SLC26A3: variants seen among roughly 807,000 people sequenced by gnomAD.
The protein encoded by SLC26A3 is solute carrier family 26 member 3.
A neutral mutation model predicts 85.6 loss-of-function variants in SLC26A3; 64 were observed. The observed-to-expected ratio is 0.75, with a 90% CI of 0.61 to 0.92. SLC26A3 has a LOEUF of 0.92. Ranked by LOEUF, SLC26A3 falls within the 40% of genes least tolerant of loss-of-function variation. The probability of loss-of-function intolerance (pLI) is 0.00; values close to 1 mark genes in which losing one functional copy is unlikely to be tolerated. For missense variants in SLC26A3, 922 were observed against 927.3 expected (o/e 0.99, Z 0.07); for synonymous variants, 349 against 336.0 (o/e 1.04, Z -0.42).
At chr7:107,770,690 T>C (rs1281245001) in intron 18 of SLC26A3, among the ~76,000 whole-genome samples, 1 of 152,182 alleles carries the variant, frequency 6.6e-6, no homozygotes, top group Non-Finnish European at 1.5e-5. Context: ...CACTGCTATA[T>C]TCCCAGCACC....
In SLC26A3 at chr7:107,776,436, T is replaced by A. The variant is rs375116154; in HGVS notation, c.1677+16A>T. 8.1e-5 allele frequency: 129 copies of A among 1,597,310 alleles called. 1 individual carries two copies. The highest frequency in any genetic ancestry group is 1.1e-4 in the Non-Finnish European group (123 of 1,165,052). ...TAAGATTACAAGGAAAAAAATTAAA[T>A]AACCCCAAACCTTACAGCATCGATA... On this transcript the variant is annotated intron_variant, in intron 15 of 20. Transcript: ENST00000340010.
At position 107,789,634 on chromosome 7, in the gene SLC26A3, G is replaced by T; in HGVS notation, c.625C>A (p.Leu209Ile). Residue 209 changes from leucine (L) to isoleucine (I), a missense_variant, in exon 6 of 21, where the codon CTC becomes ATC. Coordinates refer to ENST00000340010, the MANE Select transcript of SLC26A3 (RefSeq NM_000111.3). ...GCAGCAGTAGTGAAGCCACTGATGA[G>T]GGACTCAGACAGGTATATCACTACA... ...GFVVIYLSES[L>I]ISGFTTAAAV... The T allele has an allele frequency of 3.1e-6, 5 of 1,614,090 alleles. No homozygotes were observed. Among genetic ancestry groups the T allele is most frequent in the Non-Finnish European group, 4.2e-6 (5 of 1,180,000 alleles).
At chr7:107,794,791 A>T (rs1794469669) in intron 1 of SLC26A3, among the ~76,000 whole-genome samples, 194 bp from the exon 2 acceptor site, 1 of 152,232 alleles carries the variant, frequency 6.6e-6, no homozygotes, top group Admixed American at 6.5e-5. Flanking sequence ...GTAAGTAAAC[A>T]AGAGCTTTAT....
chr7:107,800,330 AAAAC>A (rs764583637), intron 1 of SLC26A3, among the ~76,000 whole-genome samples: 4 of 152,238 alleles, frequency 2.6e-5, no homozygotes, highest in African/African-American at 4.8e-5. Flanking sequence ...CCCTGTCTCT[AAAAC>A]AAACAAACAA....
chr7:107,770,302 G>A, intron 18 of SLC26A3, among the ~76,000 whole-genome samples: 1 of 107,406 alleles, frequency 9.3e-6, no homozygotes, highest in Admixed American at 9.5e-5. Context: ...TGTCACCCAG[G>A]CTAGTGTGCA....
chr7:107,786,461 C>T (rs2115855286), intron 8 of SLC26A3, among the ~76,000 whole-genome samples: 1 of 152,142 alleles, frequency 6.6e-6, no homozygotes, highest in African/African-American at 2.4e-5. Context: ...CGGGTCTGGC[C>T]TTACTTTGCT....
intron 3 of SLC26A3, among the ~76,000 whole-genome samples, chr7:107,792,723 A>G (rs1011588171): frequency 1.6e-4 from 25 of 152,192 alleles, no homozygotes; most frequent in Admixed American, 4.6e-4. Context: ...TAAGCACCCA[A>G]TGAAAAATAC....
At chr7:107,770,029 TC>T (rs771953180) in intron 18 of SLC26A3, among the ~76,000 whole-genome samples, 1 of 50,994 alleles carries the variant, frequency 2.0e-5, no homozygotes. Flanking sequence ...TTTCTTTCTT[TC>T]TTTCTTTCTT....
At chr7:107,802,847 C>A (rs1016911440) in intron 1 of SLC26A3, among the ~76,000 whole-genome samples, 1 of 142,878 alleles carries the variant, frequency 7.0e-6, no homozygotes, top group Admixed American at 7.3e-5. Flanking sequence ...AAAACAAGAA[C>A]ACTAATATCT....
intron 6 of SLC26A3, among the ~76,000 whole-genome samples, chr7:107,788,784 C>CTTTTT (rs71861759): frequency 6.8e-4 from 73 of 107,984 alleles, no homozygotes; most frequent in African/African-American, 9.0e-4. Flanking sequence ...TTTTTCTTTT[C>CTTTTT]TTTTTTTTTT....
Position 107,779,760 on chromosome 7 carries a change from C to T in SLC26A3, c.1315G>A (p.Val439Ile), listed in dbSNP as rs183357373. Residue 439 changes from valine (V) to isoleucine (I), a missense_variant, in exon 12 of 21, where the codon GTC (valine) becomes ATC (isoleucine). Transcript: ENST00000340010. ...TTTCCCAATGCTAAAGCTGCCAGGA[C>T]GGACTGTGAAAAACACAAACATCAG... ...GFLLAPLQKS[V>I]LAALALGNLK... The T allele has an allele frequency of 3.0e-5, 49 of 1,613,526 alleles. No individual in the cohort carries two copies. The highest frequency in any genetic ancestry group is 2.7e-4 in the Admixed American group (16 of 60,004).
At chr7:107,802,241 A>T (rs913564811) in intron 1 of SLC26A3, among the ~76,000 whole-genome samples, 1 of 152,162 alleles carries the variant, frequency 6.6e-6, no homozygotes, top group Non-Finnish European at 1.5e-5. Flanking sequence ...AGAAAGTTGT[A>T]TAATCTTTTC....
chr7:107,770,196 G>GTTTTTTTTTTTTTTTTTTTTT, intron 18 of SLC26A3, among the ~76,000 whole-genome samples: 1 of 896 alleles, frequency 1.1e-3, no homozygotes, highest in South Asian at 0.05. Flanking sequence ...AAAAAAAGGG[G>GTTTTTTTTTTTTTTTTTTTTT]TTTTTTTTTT....
chr7:107,772,189 T>A, intron 17 of SLC26A3, 81 bp from the exon 18 acceptor site: 1 of 804,138 alleles, frequency 1.2e-6, no homozygotes, highest in Non-Finnish European at 2.2e-6. Context: ...GAATTATACC[T>A]TACGGGTGAT....
intron 1 of SLC26A3, among the ~76,000 whole-genome samples, chr7:107,798,116 C>A (rs4730264): frequency 1.3e-5 from 2 of 151,666 alleles, no homozygotes; most frequent in Admixed American, 6.6e-5. Flanking sequence ...CTACGACGTG[C>A]TTTTTATTAT....
chr7:107,766,665 A>T (rs1474821073), intron 20 of SLC26A3, among the ~76,000 whole-genome samples: 1 of 152,142 alleles, frequency 6.6e-6, no homozygotes, highest in Non-Finnish European at 1.5e-5. Context: ...AGACCTTTCA[A>T]CTAAGAGAAA....
intron 2 of SLC26A3, 98 bp from the exon 3 acceptor site, chr7:107,793,979 A>G: frequency 1.4e-6 from 2 of 1,462,366 alleles, no homozygotes; most frequent in Non-Finnish European, 1.9e-6. Flanking sequence ...TATGCTAAAG[A>G]TTAAACTAGT....
Position 107,765,882 on chromosome 7 carries a change from GAAGAAGACAGA to G in SLC26A3, c.2272-15_2272-5del. The G allele has an allele frequency of 6.2e-7, 1 of 1,609,472 alleles. No homozygotes were observed. Among genetic ancestry groups the G allele is most frequent in the Non-Finnish European group, 8.5e-7 (1 of 1,176,208 alleles). On this transcript the variant is annotated splice_region_variant and splice_polypyrimidine_tract_variant and intron_variant, in intron 20 of 20. Transcript: ENST00000340010. ...AGAATTTTGTTTCAACTGGCACCTG[GAAGAAGACAGA>G]AAGTTCTTGTTTTAAAATACTCGTC...
At chr7:107,795,649 GCT>G (rs1343116373) in intron 1 of SLC26A3, among the ~76,000 whole-genome samples, 1 of 151,982 alleles carries the variant, frequency 6.6e-6, no homozygotes, top group Non-Finnish European at 1.5e-5. Flanking sequence ...AGACTTCTTT[GCT>G]CTCTTTTCTA....
Sources: allele counts gnomAD v4.1 joint callset (sites outside exome capture counted in the v4.1 genomes callset), GRCh38; gene constraint gnomAD v4.1.1; transcripts MANE v1.5; gene names NCBI Gene and HGNC (gene_info 2026-07-23, HGNC 2026-07-21).